The following USH2A variants were observed in gnomAD, a reference collection of about 807,000 sequenced individuals.
The protein encoded by USH2A is usherin.
A neutral mutation model predicts 538.9 loss-of-function variants in USH2A; 443 were observed. The observed-to-expected ratio is 0.82, with a 90% CI of 0.76 to 0.89. The LOEUF (loss-of-function observed/expected upper bound fraction) is 0.89, where lower values mean the gene tolerates loss of function less well. Among genes scored for constraint, USH2A ranks in the 40% least tolerant of loss-of-function variants. USH2A has a pLI of 0.00. For synonymous variants in USH2A, 2,413 were observed against 2,273.5 expected, an observed-to-expected ratio of 1.06 and a Z score of -1.75; for missense variants, 6,633 against 6,324.8, an observed-to-expected ratio of 1.05 and a Z score of -1.65.
chr1:215,748,052 C>A (rs971600289), intron 58 of USH2A, among the ~76,000 whole-genome samples: 1 of 151,942 alleles, frequency 6.6e-6, no homozygotes, highest in Admixed American at 6.6e-5. Context: ...CCACCGCGCC[C>A]GGCTAATTTT....
At chr1:215,870,458 C>CTTTTTTTTT in intron 43 of USH2A, among the ~76,000 whole-genome samples, 1 of 123,138 alleles carries the variant, frequency 8.1e-6, no homozygotes, top group Non-Finnish European at 1.7e-5. Context: ...CCACTCCTAG[C>CTTTTTTTTT]TTTTTTTTTT....
Position 215,819,061 on chromosome 1 carries a change from TA to T in USH2A, c.9372-1867del, listed in dbSNP as rs751869509. 3.9e-5 allele frequency among the ~76,000 whole-genome samples: 6 copies of T among 151,974 alleles called. No homozygotes were observed. In the East Asian group the frequency reaches 1.2e-3, roughly 29 times the overall value. On this transcript the variant is annotated intron_variant, in intron 47 of 71. Coordinates refer to ENST00000307340, the MANE Select transcript of USH2A (RefSeq NM_206933.4). The stretch of plus-strand genomic sequence containing the variant: ...TTTATGATTCTAGAATTTCTAGCCA[TA>T]AAAATTAACTAATCACAAATATGTG...
chr1:216,198,499 G>T lies in USH2A; in HGVS notation c.3897C>A (p.Ser1299Arg). The change falls in exon 18 of 72, where the codon AGC (serine) becomes AGA (arginine). Residue 1299 changes from serine to arginine, a missense_variant. Ser to Arg is a moderately radical substitution (Grantham distance 110, BLOSUM62 -1). Transcript: ENST00000307340. Reference protein sequence around the residue: ...TTSEESRVFQSSGWLSPHSFV... With the variant: ...TTSEESRVFQRSGWLSPHSFV... ...ATGAATGAGGACTGAGCCAACCACT[G>T]CTCTGAAAAACTCGACTTTCCTCAG... 6.2e-7 allele frequency: 1 copy of T among 1,613,966 alleles called. No individual in the cohort carries two copies. The highest frequency in any genetic ancestry group is 1.1e-5 in the South Asian group (1 of 91,080).
chr1:215,873,880 C>G (rs1664686224), intron 43 of USH2A, among the ~76,000 whole-genome samples: 1 of 151,100 alleles, frequency 6.6e-6, no homozygotes, highest in African/African-American at 2.4e-5. Context: ...CCTTCATAAA[C>G]TTAATGAAAG....
intron 49 of USH2A, among the ~76,000 whole-genome samples, chr1:215,802,836 C>T (rs1662376926): frequency 1.3e-5 from 2 of 152,036 alleles, no homozygotes; most frequent in African/African-American, 4.8e-5. Context: ...GCAGCTTTAA[C>T]CATAATAGTC....
intron 21 of USH2A, among the ~76,000 whole-genome samples, chr1:216,117,518 C>A (rs1475784131): frequency 6.6e-6 from 1 of 151,964 alleles, no homozygotes; most frequent in African/African-American, 2.4e-5. Flanking sequence ...ATATTTGAAC[C>A]TGGTTATTAA....
intron 50 of USH2A, among the ~76,000 whole-genome samples, chr1:215,794,470 T>C (rs2102773999): frequency 6.6e-6 from 1 of 152,130 alleles, no homozygotes; most frequent in South Asian, 2.1e-4. Context: ...GTTGCTAGGT[T>C]GAGGAGAAAA....
At chr1:215,859,249 T>G (rs975703162) in intron 44 of USH2A, among the ~76,000 whole-genome samples, 1 of 152,090 alleles carries the variant, frequency 6.6e-6, no homozygotes, top group African/African-American at 2.4e-5. Flanking sequence ...AAATATAGTA[T>G]TCTCAGCTGG....
chr1:215,824,209 T>C (rs1272438243), intron 47 of USH2A, among the ~76,000 whole-genome samples: 1 of 152,208 alleles, frequency 6.6e-6, no homozygotes, highest in Non-Finnish European at 1.5e-5. Flanking sequence ...CATCCTCTCA[T>C]ATATTACTCT....
At chr1:216,366,084 T>C (rs1365118669) in intron 3 of USH2A, among the ~76,000 whole-genome samples, 1 of 152,118 alleles carries the variant, frequency 6.6e-6, no homozygotes, top group Non-Finnish European at 1.5e-5. Flanking sequence ...TCTCTGCAAA[T>C]AGTCTTTTTG....
chr1:215,936,828 G>A (rs1666511717), intron 37 of USH2A, among the ~76,000 whole-genome samples: 1 of 151,988 alleles, frequency 6.6e-6, no homozygotes. Flanking sequence ...ATGTGTCATT[G>A]TCCCATCAGA....
chr1:215,903,236 A>G (rs969593828), intron 38 of USH2A, among the ~76,000 whole-genome samples: 2 of 152,142 alleles, frequency 1.3e-5, no homozygotes, highest in African/African-American at 4.8e-5. Flanking sequence ...GGCCAAGTGC[A>G]GATATTTGAT....
At chr1:215,928,143 C>G (rs1666277014) in intron 38 of USH2A, among the ~76,000 whole-genome samples, 1 of 151,936 alleles carries the variant, frequency 6.6e-6, no homozygotes, top group South Asian at 2.1e-4. Flanking sequence ...AAGTTACAAG[C>G]AGAAATCAGA....
chr1:216,036,069 C>T (rs563774468), intron 32 of USH2A, among the ~76,000 whole-genome samples: 10 of 151,910 alleles, frequency 6.6e-5, no homozygotes, highest in Non-Finnish European at 1.3e-4. Context: ...ATATACATAA[C>T]GTTTTGATGG....
chr1:215,931,392 A>C (rs1666359080), intron 38 of USH2A, among the ~76,000 whole-genome samples: 1 of 151,904 alleles, frequency 6.6e-6, no homozygotes, highest in Non-Finnish European at 1.5e-5. Context: ...TTACTATCTA[A>C]ACTAAGGATT....
chr1:215,732,146 T>C (rs1321420891), intron 60 of USH2A, among the ~76,000 whole-genome samples: 3 of 152,204 alleles, frequency 2.0e-5, no homozygotes, highest in South Asian at 2.1e-4. Flanking sequence ...TAAGAATAAA[T>C]GCAGACCCTG....
chr1:216,327,594 T>C lies in USH2A; in HGVS notation c.845A>G (p.Asn282Ser). The C allele has an allele frequency of 6.2e-7, 1 of 1,613,158 alleles. No homozygotes were observed. Among genetic ancestry groups the C allele is most frequent in the Non-Finnish European group, 8.5e-7 (1 of 1,179,414 alleles). Residue 282 changes from asparagine to serine, a missense_variant, in exon 5 of 72, where the codon AAC becomes AGC. Coordinates refer to ENST00000307340, the MANE Select transcript of USH2A (RefSeq NM_206933.4). Reference sequence around the variant, plus strand: ...TTACAATGCAACATCTGCTTACCTGTTTGTAAGTGCCACTTGGTATAATCG... The same window carrying C: ...TTACAATGCAACATCTGCTTACCTGCTTGTAAGTGCCACTTGGTATAATCG... ...DFRLYQVALT[N>S]REILEVFSGD...
rs779530910 is a variant in USH2A, at chr1:216,196,708, T to A, written c.4096A>T (p.Ile1366Phe). 2.2e-5 allele frequency: 36 copies of A among 1,613,094 alleles called. No homozygotes were observed. The South Asian group carries it at 4.0e-4, about 18-fold the overall frequency. The change falls in exon 19 of 72, where the codon ATC (isoleucine) becomes TTC (phenylalanine). Residue 1366 changes from isoleucine to phenylalanine, a missense_variant. Ile to Phe is a conservative substitution (Grantham distance 21, BLOSUM62 0). Transcript: ENST00000307340. ...GAGAGGGGAAAGACTGAAGGAGGGA[T>A]CATGAATACAGGTGCTATCAATGAG... ...RTGESAPVFMIPPSVFPLSSY... is the reference protein window; with the variant it reads ...RTGESAPVFMFPPSVFPLSSY...
chr1:216,321,820 G>T, intron 9 of USH2A, 63 bp downstream of exon 9: 4 of 1,410,288 alleles, frequency 2.8e-6, no homozygotes, highest in Non-Finnish European at 4.0e-6. Context: ...TAAGTTCATA[G>T]AATTTATAGT....
Sources: gnomAD v4.1 joint callset for allele counts (sites outside exome capture counted in the v4.1 genomes callset) on GRCh38, gnomAD v4.1.1 for gene constraint, MANE v1.5 for transcripts, NCBI Gene and HGNC (gene_info 2026-07-23, HGNC 2026-07-21) for gene names.